The following VWC2 variants were observed in gnomAD, a reference collection of about 807,000 sequenced individuals.
The protein encoded by VWC2 is brorin.
In VWC2, 14 loss-of-function variants were observed where a neutral mutation model predicts 29.8. The ratio of observed to expected loss-of-function variants is 0.47; its 90% CI spans 0.31 to 0.74. The LOEUF is 0.74. VWC2 is among the 30% of genes least tolerant of loss of function. The pLI, the probability that VWC2 is intolerant of heterozygous loss-of-function variation, is 0.05. For missense variants in VWC2, 457 were observed against 459.8 expected (o/e 0.99, Z 0.05); for synonymous variants, 213 against 199.0 (o/e 1.07, Z -0.59).
In VWC2 at chr7:49,775,564, G is replaced by C. The variant is rs1185491850; in HGVS notation, c.129G>C (p.Pro43=). The C allele has an allele frequency of 4.5e-6, 7 of 1,546,642 alleles. No homozygotes were observed. In the East Asian group the frequency reaches 1.5e-4, roughly 33 times the overall value. ...LEKLAQAPEQ[P]GQEKREHASR... ...AGCTGGCCCAGGCACCAGAGCAGCCGGGCCAGGAGAAGCGTGAGCACGCCT... is the reference window on the plus strand; with the variant it reads ...AGCTGGCCCAGGCACCAGAGCAGCCCGGCCAGGAGAAGCGTGAGCACGCCT... Residue 43 remains proline (P), a synonymous_variant, in exon 2 of 4, where the codon CCG becomes CCC. Coordinates refer to ENST00000340652, the MANE Select transcript of VWC2 (RefSeq NM_198570.5).
In VWC2 at chr7:49,877,481, A is replaced by AAAAAATATACATATATAT; in HGVS notation, c.827-34552_827-34551insAAAATATACATATATATA. Among the ~76,000 whole-genome samples, 49 of 12,730 alleles carry AAAAAATATACATATATAT rather than the reference A, an allele frequency of 3.8e-3. 14 individuals carry two copies. The highest frequency in any genetic ancestry group is 5.0e-3 in the Non-Finnish European group (35 of 6,950). The allele number at this position is 12,730 out of a possible 152,430, so 8.4% of individuals were successfully genotyped here. On this transcript the variant is annotated intron_variant, in intron 3 of 3. Coordinates refer to ENST00000340652, the MANE Select transcript of VWC2 (RefSeq NM_198570.5). ...CTGTCTCAAAAAAAAAAAAAAAAAA[A>AAAAAATATACATATATAT]ATATATATATATATATATATATATA...
chr7:49,776,156 G>A, intron 2 of VWC2, 25 bp downstream of exon 2: 3 of 1,483,436 alleles, frequency 2.0e-6, no homozygotes, highest in Middle Eastern at 1.7e-4. Context: ...CCCGCCGGGC[G>A]ACTTTGCACC....
chr7:49,882,631 A>G (rs1262722672), intron 3 of VWC2, among the ~76,000 whole-genome samples: 1 of 152,034 alleles, frequency 6.6e-6, no homozygotes, highest in African/African-American at 2.4e-5. Context: ...AGGGAGAGAG[A>G]CAGGGAGAGA....
chr7:49,814,267 C>T (rs1235432298), intron 3 of VWC2, among the ~76,000 whole-genome samples: 2 of 152,194 alleles, frequency 1.3e-5, no homozygotes, highest in Non-Finnish European at 2.9e-5. Context: ...ACTTCCTTTA[C>T]TAATACTAAC....
At chr7:49,898,070 C>T (rs1792479471) in intron 3 of VWC2, among the ~76,000 whole-genome samples, 2 of 152,022 alleles carry the variant, frequency 1.3e-5, no homozygotes, top group South Asian at 4.1e-4. Context: ...AACTTTAGCC[C>T]ACTATAGCCT....
At position 49,884,435 on chromosome 7, in the gene VWC2, A is replaced by G. The variant is rs560092202; in HGVS notation, c.827-27599A>G. ...TTGACTAAAATTGGGGGATTCACATAGCTGGGAAGGTGGAGAACAGCAATT... is the reference window on the plus strand; with the variant it reads ...TTGACTAAAATTGGGGGATTCACATGGCTGGGAAGGTGGAGAACAGCAATT... On this transcript the variant is annotated intron_variant, in intron 3 of 3. Transcript: ENST00000340652. 2.6e-5 allele frequency among the ~76,000 whole-genome samples: 4 copies of G among 152,294 alleles called. No homozygotes were observed. In the East Asian group the frequency reaches 7.7e-4, roughly 29 times the overall value.
intron 2 of VWC2, among the ~76,000 whole-genome samples, chr7:49,783,552 C>G (rs1788224675): frequency 6.6e-6 from 1 of 152,212 alleles, no homozygotes; most frequent in Non-Finnish European, 1.5e-5. Flanking sequence ...AGCTGGAAAT[C>G]CTTCTTACTG....
chr7:49,864,095 C>T (rs75661584), intron 3 of VWC2, among the ~76,000 whole-genome samples: 4,191 of 151,968 alleles, frequency 0.028, 160 homozygotes, highest in South Asian at 0.12. Flanking sequence ...GTTGTTGTTG[C>T]GGGCTGTGAT....
In VWC2 at chr7:49,856,964, C is replaced by T. The variant is rs370540103; in HGVS notation, c.826+54124C>T. 1.9e-3 allele frequency among the ~76,000 whole-genome samples: 232 copies of T among 124,576 alleles called. 4 individuals carry two copies. The highest frequency in any genetic ancestry group is 6.7e-3 in the African/African-American group (214 of 31,852). The allele number at this position is 124,576 out of a possible 152,430, so 81.7% of individuals were successfully genotyped here. A position where few individuals can be genotyped will look rare whatever the true frequency, so the allele number is the denominator to read the frequency against. On this transcript the variant is annotated intron_variant, in intron 3 of 3. Transcript: ENST00000340652. ...GGTGGAGCTTTCAGTGAGCTGAGAT[C>T]GGGCCACTGCACTCCAACCTGGGTG...
intron 3 of VWC2, among the ~76,000 whole-genome samples, chr7:49,818,659 T>C (rs1045847550): frequency 6.6e-6 from 1 of 151,862 alleles, no homozygotes; most frequent in Non-Finnish European, 1.5e-5. Context: ...CGGGGCCATC[T>C]GTGTTGCATG....
intron 3 of VWC2, among the ~76,000 whole-genome samples, chr7:49,891,851 T>C (rs1792141653): frequency 6.6e-6 from 1 of 152,150 alleles, no homozygotes; most frequent in African/African-American, 2.4e-5. Context: ...GCTACCACTA[T>C]AGTACTCTAA....
chr7:49,911,619 G>A (rs941564469), intron 3 of VWC2, among the ~76,000 whole-genome samples: 34 of 151,898 alleles, frequency 2.2e-4, no homozygotes, highest in East Asian at 3.9e-4. Context: ...ACCATTGGCC[G>A]GGTGCAGTGG....
intron 3 of VWC2, among the ~76,000 whole-genome samples, chr7:49,892,247 C>T (rs369633190): frequency 6.6e-6 from 1 of 151,468 alleles, no homozygotes; most frequent in Non-Finnish European, 1.5e-5. Context: ...GGGGTTTCAC[C>T]GTGTTAGCCA....
At chr7:49,909,426 G>A (rs1384393095) in intron 3 of VWC2, among the ~76,000 whole-genome samples, 1 of 152,218 alleles carries the variant, frequency 6.6e-6, no homozygotes, top group Non-Finnish European at 1.5e-5. Flanking sequence ...GGCACTGTTG[G>A]CCTTATGGAC....
chr7:49,848,789 A>G lies in VWC2; in HGVS notation c.826+45949A>G, dbSNP rs1350418421. The stretch of plus-strand genomic sequence containing the variant: ...TTTTGGTAACTGTTCTTTGGCCCTT[A>G]AATTATTTTTTATGCCACAATTCAA... On this transcript the variant is annotated intron_variant, in intron 3 of 3. Coordinates refer to ENST00000340652, the MANE Select transcript of VWC2 (RefSeq NM_198570.5). Among the ~76,000 whole-genome samples the G allele has an allele frequency of 2.0e-5, 3 of 152,336 alleles. No homozygotes were observed. The East Asian group carries it at 5.8e-4, about 29-fold the overall frequency.
intron 2 of VWC2, among the ~76,000 whole-genome samples, chr7:49,793,204 T>C (rs76193880): frequency 0.025 from 3,799 of 152,324 alleles, 172 homozygotes; most frequent in African/African-American, 0.086. Flanking sequence ...TGACCTTTGA[T>C]ATGGAACAAA....
At chr7:49,869,010 G>A (rs1250481294) in intron 3 of VWC2, among the ~76,000 whole-genome samples, 1 of 152,182 alleles carries the variant, frequency 6.6e-6, no homozygotes, top group Admixed American at 6.5e-5. Flanking sequence ...GAAGGGATAA[G>A]CTATGAATTA....
At chr7:49,795,632 C>T (rs116728526) in intron 2 of VWC2, among the ~76,000 whole-genome samples, 1,966 of 152,264 alleles carry the variant, frequency 0.013, 42 homozygotes, top group African/African-American at 0.044. Flanking sequence ...TTGAGCAGCT[C>T]TTTGTGAAGT....
chr7:49,870,420 A>G (rs1316837518), intron 3 of VWC2, among the ~76,000 whole-genome samples: 1 of 152,108 alleles, frequency 6.6e-6, no homozygotes. Flanking sequence ...AAAAATAAAA[A>G]TTGTCTATAT....
Sources: allele counts gnomAD v4.1 joint callset (sites outside exome capture counted in the v4.1 genomes callset), GRCh38; gene constraint gnomAD v4.1.1; transcripts MANE v1.5; gene names NCBI Gene and HGNC (gene_info 2026-07-23, HGNC 2026-07-21).